The following SLC6A3 variants were observed in gnomAD, a reference collection of about 807,000 sequenced individuals.
SLC6A3 encodes the protein sodium-dependent dopamine transporter.
Under a neutral mutation model 70.4 loss-of-function variants are expected in SLC6A3, and 19 were observed. The ratio of observed to expected loss-of-function variants is 0.27; its 90% CI spans 0.19 to 0.40. The LOEUF is 0.40. Ranked by LOEUF, SLC6A3 falls within the 10% of genes least tolerant of loss-of-function variation. The pLI is 1.00. For synonymous variants in SLC6A3, 368 were observed against 356.6 expected (o/e 1.03, Z -0.36); for missense variants, 613 against 838.5 (o/e 0.73, Z 3.32).
At chr5:1,398,466 G>T (rs1436219849) in intron 14 of SLC6A3, among the ~76,000 whole-genome samples, 1 of 151,652 alleles carries the variant, frequency 6.6e-6, no homozygotes, top group Non-Finnish European at 1.5e-5. Context: ...CTATAAAAAG[G>T]CAATAAAGGA....
At chr5:1,422,764 G>A (rs1222850964) in intron 4 of SLC6A3, among the ~76,000 whole-genome samples, 2 of 78,174 alleles carry the variant, frequency 2.6e-5, no homozygotes, top group Non-Finnish European at 2.3e-5. Context: ...CCAAGGTGCT[G>A]GGTGCCCACC....
At chr5:1,400,875 A>G (rs539221847) in intron 14 of SLC6A3, 40 bp downstream of exon 14, 1 of 1,468,612 alleles carries the variant, frequency 6.8e-7, no homozygotes, top group Non-Finnish European at 9.4e-7. Flanking sequence ...GATCATTCTG[A>G]ATTCCCCCGA....
rs539390528 is a variant in SLC6A3 at position 1,430,144 on chromosome 5, T to G, written c.653+2320A>C. Among the ~76,000 whole-genome samples the G allele has an allele frequency of 3.2e-4, 48 of 152,206 alleles. 1 individual carries two copies. The highest frequency in any genetic ancestry group is 9.2e-4 in the African/African-American group (38 of 41,530). On this transcript the variant is annotated intron_variant, in intron 4 of 14. Coordinates refer to ENST00000270349, the MANE Select transcript of SLC6A3 (RefSeq NM_001044.5). ...CTTCTCTCCCGCCTGCCCCACCTTC[T>G]GAAACCAGCCCTCCTCCCATGAGCG...
rs953268300 is a variant in SLC6A3 at position 1,394,621 on chromosome 5, T to C, written c.*114A>G. The stretch of plus-strand genomic sequence containing the variant: ...TCTGCTTTGTTGTTTGTGTTTTCAG[T>C]AGAGGTTGAAGAGTAGAAGTTGCCC... On this transcript the variant is annotated 3_prime_UTR_variant, in exon 15 of 15. Transcript: ENST00000270349. This position sits in a 1 kb window ranked among gnomAD's most constrained non-coding sequence, Gnocchi z 4.7. 8 of 1,008,132 alleles carry C rather than the reference T, an allele frequency of 7.9e-6. No homozygotes were observed. Among genetic ancestry groups the C allele is most frequent in the Admixed American group, 5.1e-5 (3 of 58,704 alleles). 62.4% of individuals were successfully genotyped at this position (1,008,132 alleles called of 1,614,324 possible). A position where few individuals can be genotyped will look rare whatever the true frequency, so the allele number is the denominator to read the frequency against.
At chr5:1,431,960 C>T (rs910514728) in intron 4 of SLC6A3, among the ~76,000 whole-genome samples, 5 of 152,216 alleles carry the variant, frequency 3.3e-5, no homozygotes, top group African/African-American at 1.2e-4. Flanking sequence ...GGGCTGCCTA[C>T]TGAAGCCAGA....
chr5:1,394,420 C>T lies in SLC6A3; in HGVS notation c.*315G>A. 3.9e-6 allele frequency: 2 copies of T among 514,288 alleles called. No homozygotes were observed. The highest frequency in any genetic ancestry group is 7.0e-6 in the Non-Finnish European group (2 of 283,710). 31.9% of individuals were successfully genotyped at this position (514,288 alleles called of 1,614,324 possible). ...CAGCCTCAGAGCCGGGAGCAGGGAG[C>T]AGGGAGGGAGGGAGCCTCACACAGA... On this transcript the variant is annotated 3_prime_UTR_variant, in exon 15 of 15. Transcript: ENST00000270349. This position sits in a 1 kb window ranked among gnomAD's most constrained non-coding sequence, Gnocchi z 4.7.
Position 1,436,919 on chromosome 5 carries a change from C to G in SLC6A3, c.419-4221G>C, listed in dbSNP as rs1560925463. ...GGAAGCCTCTGGTGGAGCAGCCCCT[C>G]CATACCTCACAGGAGGCATCAAGCA... On this transcript the variant is annotated intron_variant, in intron 3 of 14. Transcript: ENST00000270349. This position sits in a 1 kb window ranked among gnomAD's most constrained non-coding sequence, Gnocchi z 5.2. 6.6e-6 allele frequency among the ~76,000 whole-genome samples: 1 copy of G among 152,296 alleles called. No individual in the cohort carries two copies. Among genetic ancestry groups the G allele is most frequent in the East Asian group, 1.9e-4 (1 of 5,168 alleles).
chr5:1,412,368 C>T (rs1164290961), intron 8 of SLC6A3, among the ~76,000 whole-genome samples: 1 of 152,226 alleles, frequency 6.6e-6, no homozygotes, highest in Non-Finnish European at 1.5e-5. Flanking sequence ...GATACAGGGG[C>T]CCAGATGGTG....
At chr5:1,422,062 C>A (rs575915851) in intron 4 of SLC6A3, 48 bp from the exon 5 acceptor site, 1 of 1,595,054 alleles carries the variant, frequency 6.3e-7, no homozygotes, top group African/African-American at 1.3e-5. Context: ...TGTCAACCCA[C>A]CTGGAACTGG....
In SLC6A3 at chr5:1,394,957, A is replaced by G. The variant is rs1166872135; in HGVS notation, c.1840-199T>C. On this transcript the variant is annotated intron_variant, in intron 14 of 14. Transcript: ENST00000270349. The surrounding 1 kb of genome is among the most constrained non-coding windows in gnomAD (Gnocchi z 4.7). ...GTGCCGGGGATCCGATGCCTCACTC[A>G]AACTCCTACAAATCAATCATTACTT... Among the ~76,000 whole-genome samples the G allele has an allele frequency of 6.6e-6, 1 of 152,184 alleles. No individual in the cohort carries two copies. The highest frequency in any genetic ancestry group is 2.4e-5 in the African/African-American group (1 of 41,466).
chr5:1,439,055 G>A (rs147855154), intron 3 of SLC6A3, among the ~76,000 whole-genome samples: 72 of 152,328 alleles, frequency 4.7e-4, no homozygotes, highest in African/African-American at 1.5e-3. Flanking sequence ...CAGGTAACGC[G>A]TGTGTCTTGA....
intron 5 of SLC6A3, among the ~76,000 whole-genome samples, 174 bp from the exon 6 acceptor site, chr5:1,420,877 G>A (rs558162955): frequency 6.6e-6 from 1 of 152,370 alleles, no homozygotes; most frequent in Admixed American, 6.5e-5. Context: ...GAGAAGGTCA[G>A]ACACTTTCTG....
rs1224078877 is a variant in SLC6A3, at chr5:1,421,456, A to G, written c.792+420T>C. 6.6e-6 allele frequency among the ~76,000 whole-genome samples: 1 copy of G among 152,118 alleles called. No individual in the cohort carries two copies. The highest frequency in any genetic ancestry group is 1.5e-5 in the Non-Finnish European group (1 of 68,014). ...CCTCCCAAAGTATTTTTATCAACAA[A>G]AAAATCATCTTGTGTGTGCCTTCCT... On this transcript the variant is annotated intron_variant, in intron 5 of 14. Transcript: ENST00000270349. This position sits in a 1 kb window ranked among gnomAD's most constrained non-coding sequence, Gnocchi z 7.2.
chr5:1,435,751 C>G lies in SLC6A3; in HGVS notation c.419-3053G>C, dbSNP rs536442889. Among the ~76,000 whole-genome samples the G allele has an allele frequency of 4.7e-3, 659 of 139,746 alleles. 4 individuals are homozygous for G. The highest frequency in any genetic ancestry group is 7.2e-3 in the Non-Finnish European group (442 of 61,656). 91.7% of individuals were successfully genotyped at this position (139,746 alleles called of 152,430 possible). On this transcript the variant is annotated intron_variant, in intron 3 of 14. Transcript: ENST00000270349. ...GTGGTGGCCAGTCCCCTCCTGGATG[C>G]TTCCCTGGGCACCTGGGTGAGGAAA...
intron 4 of SLC6A3, among the ~76,000 whole-genome samples, chr5:1,422,839 T>A (rs1478475754): frequency 4.2e-5 from 3 of 71,114 alleles, no homozygotes; most frequent in Non-Finnish European, 7.6e-5. Flanking sequence ...CCCACGCTGC[T>A]GGGTGCCCAC....
At position 1,393,897 on chromosome 5, in the gene SLC6A3, C is replaced by T. The variant is rs951937530; in HGVS notation, c.*838G>A. ...GCCCTGCATGCGTCCAGGGATAGGA[C>T]ATGCTCCTGTGGGGGCCCTGCATGC... is the stretch of plus-strand genomic sequence containing the variant. On this transcript the variant is annotated 3_prime_UTR_variant, in exon 15 of 15. Transcript: ENST00000270349. 1 of 149,416 alleles carries T rather than the reference C, an allele frequency of 6.7e-6. No individual in the cohort carries two copies. The highest frequency in any genetic ancestry group is 1.5e-5 in the Non-Finnish European group (1 of 67,630). The allele number at this position is 149,416 out of a possible 1,614,324, so 9.3% of individuals were successfully genotyped here. A position where few individuals can be genotyped will look rare whatever the true frequency, so the allele number is the denominator to read the frequency against.
At position 1,405,782 on chromosome 5, in the gene SLC6A3, G is replaced by T. The variant is rs954234859; in HGVS notation, c.1599+406C>A. 1.3e-5 allele frequency among the ~76,000 whole-genome samples: 2 copies of T among 152,244 alleles called. No individual in the cohort carries two copies. Among genetic ancestry groups the T allele is most frequent in the African/African-American group, 4.8e-5 (2 of 41,470 alleles). ...GCGTGAGCAACGGGACAGGGCCGAG[G>T]CCCCTGCTGCTCTCATCCAGCACTC... On this transcript the variant is annotated intron_variant, in intron 12 of 14. Coordinates refer to ENST00000270349, the MANE Select transcript of SLC6A3 (RefSeq NM_001044.5). This position sits in a 1 kb window ranked among gnomAD's most constrained non-coding sequence, Gnocchi z 5.3.
intron 3 of SLC6A3, among the ~76,000 whole-genome samples, chr5:1,435,082 C>A (rs1176422474): frequency 6.6e-6 from 1 of 152,170 alleles, no homozygotes; most frequent in Non-Finnish European, 1.5e-5. Flanking sequence ...GGATCTGGTC[C>A]ATATTAAATA....
In SLC6A3 at chr5:1,401,178, G is replaced by T; in HGVS notation, c.1768-192C>A. ...GACTTACACTGCCAGTGCCCATGCC[G>T]ACCAGACAGCCAGTCAGGCCCGAAG... On this transcript the variant is annotated intron_variant, in intron 13 of 14. Transcript: ENST00000270349. The surrounding 1 kb of genome is among the most constrained non-coding windows in gnomAD (Gnocchi z 6.1). 1.4e-6 allele frequency: 1 copy of T among 701,224 alleles called. No homozygotes were observed. Among genetic ancestry groups the T allele is most frequent in the African/African-American group, 1.7e-5 (1 of 57,324 alleles). 43.4% of individuals were successfully genotyped at this position (701,224 alleles called of 1,614,324 possible).
Sources: allele counts gnomAD v4.1 joint callset (sites outside exome capture counted in the v4.1 genomes callset), GRCh38; gene constraint gnomAD v4.1.1; non-coding constraint Gnocchi (gnomAD v3.1); transcripts MANE v1.5; gene names NCBI Gene and HGNC (gene_info 2026-07-23, HGNC 2026-07-21).